MS4A5: variants seen among roughly 807,000 people sequenced by gnomAD.
The protein encoded by MS4A5 is membrane spanning 4-domains A5.
A neutral mutation model predicts 18.2 loss-of-function variants in MS4A5; 15 were observed. That is an observed-to-expected ratio of 0.83 (90% confidence interval 0.55 to 1.27). MS4A5 has a LOEUF of 1.27. Ranked by LOEUF, MS4A5 falls within the 50% of genes most tolerant of loss-of-function variation. The pLI, the probability that MS4A5 is intolerant of heterozygous loss-of-function variation, is 0.00. For missense variants in MS4A5, 232 were observed against 225.7 expected, an observed-to-expected ratio of 1.03 and a Z score of -0.18; for synonymous variants, 89 against 78.7, an observed-to-expected ratio of 1.13 and a Z score of -0.69.
In MS4A5 at chr11:60,436,971, G is replaced by C. The variant is rs1442639067; in HGVS notation, c.492+3054G>C. ...AAGCAACTCCAAGACACATAATTGT[G>C]AGATTCACCAAAGTGGAAATGAAGG... On this transcript the variant is annotated intron_variant, in intron 4 of 4. Transcript: ENST00000300190. Among the ~76,000 whole-genome samples the C allele has an allele frequency of 3.8e-5, 5 of 133,188 alleles. 1 individual carries two copies. The highest frequency in any genetic ancestry group is 8.6e-5 in the Admixed American group (1 of 11,682). 87.4% of individuals were successfully genotyped at this position (133,188 alleles called of 152,430 possible). A position where few individuals can be genotyped will look rare whatever the true frequency, so the allele number is the denominator to read the frequency against.
chr11:60,445,900 G>C (rs906832392), intron 4 of MS4A5, among the ~76,000 whole-genome samples: 7 of 152,294 alleles, frequency 4.6e-5, no homozygotes, highest in Non-Finnish European at 7.4e-5. Context: ...CAATGTTCTT[G>C]TATATCAGGA....
At chr11:60,444,706 A>G (rs2086130427) in intron 4 of MS4A5, among the ~76,000 whole-genome samples, 1 of 152,208 alleles carries the variant, frequency 6.6e-6, no homozygotes, top group African/African-American at 2.4e-5. Flanking sequence ...TAAAATCACA[A>G]TAAGACACTA....
At position 60,429,646 on chromosome 11, in the gene MS4A5, TCTC is replaced by T. The variant is rs1395408584; in HGVS notation, c.-26_-24del. 1 of 1,594,138 alleles carries T rather than the reference TCTC, an allele frequency of 6.3e-7. No individual in the cohort carries two copies. The stretch of plus-strand genomic sequence containing the variant: ...CTAGACTGAAGTACCAACTAAATCA[TCTC>T]CTTTCAAATTATCACCGACACCATC... On this transcript the variant is annotated 5_prime_UTR_variant, in exon 1 of 5. Coordinates refer to ENST00000300190, the MANE Select transcript of MS4A5 (RefSeq NM_023945.3).
At chr11:60,443,410 TA>T (rs1013549686) in intron 4 of MS4A5, among the ~76,000 whole-genome samples, 1 of 151,642 alleles carries the variant, frequency 6.6e-6, no homozygotes, top group East Asian at 1.9e-4. Flanking sequence ...ACAACAGACA[TA>T]AAAAAATTAA....
chr11:60,447,468 T>C (rs200355700), intron 4 of MS4A5, among the ~76,000 whole-genome samples, 181 bp from the exon 5 acceptor site: 1 of 152,268 alleles, frequency 6.6e-6, no homozygotes, highest in African/African-American at 2.4e-5. Flanking sequence ...TGCTATCCTA[T>C]GCTTAAATAG....
intron 4 of MS4A5, among the ~76,000 whole-genome samples, chr11:60,435,224 T>C (rs894662414): frequency 6.6e-6 from 1 of 151,996 alleles, no homozygotes; most frequent in Non-Finnish European, 1.5e-5. Context: ...TCTTAATAAA[T>C]TCCCATCAAA....
chr11:60,447,149 GCTATC>G (rs772078410), intron 4 of MS4A5, among the ~76,000 whole-genome samples: 27 of 85,086 alleles, frequency 3.2e-4, no homozygotes, highest in South Asian at 6.7e-4. Context: ...GCTATGCTAT[GCTATC>G]CTATGCTATC....
intron 3 of MS4A5, 51 bp downstream of exon 3, chr11:60,432,518 T>C: frequency 8.2e-7 from 1 of 1,221,866 alleles, no homozygotes; most frequent in Non-Finnish European, 1.2e-6. Flanking sequence ...CCAGTCATGG[T>C]GGCTCATACC....
Position 60,432,484 on chromosome 11 carries a change from C to G in MS4A5, c.339+17C>G. On this transcript the variant is annotated intron_variant, in intron 3 of 4. Coordinates refer to ENST00000300190, the MANE Select transcript of MS4A5 (RefSeq NM_023945.3). ...GAAACTCTGGTGAGTTATATTCTTA[C>G]TTTATTAAAAATATATTTTGTAGCC... 1 of 1,498,512 alleles carries G rather than the reference C, an allele frequency of 6.7e-7. No individual in the cohort carries two copies. The highest frequency in any genetic ancestry group is 9.2e-7 in the Non-Finnish European group (1 of 1,085,894). The allele number at this position is 1,498,512 out of a possible 1,614,324, so 92.8% of individuals were successfully genotyped here. A position where few individuals can be genotyped will look rare whatever the true frequency, so the allele number is the denominator to read the frequency against.
chr11:60,430,467 C>A (rs75821873), intron 1 of MS4A5, among the ~76,000 whole-genome samples: 88 of 152,278 alleles, frequency 5.8e-4, no homozygotes, highest in South Asian at 6.2e-4. Flanking sequence ...TATGAAGACA[C>A]AGGTTTCCCA....
intron 4 of MS4A5, among the ~76,000 whole-genome samples, chr11:60,444,723 A>C (rs965614275): frequency 6.6e-6 from 1 of 152,204 alleles, no homozygotes; most frequent in African/African-American, 2.4e-5. Context: ...ACTACTCCAC[A>C]CACACCAGAA....
At chr11:60,438,715 C>T (rs1304971106) in intron 4 of MS4A5, among the ~76,000 whole-genome samples, 1 of 151,610 alleles carries the variant, frequency 6.6e-6, no homozygotes, top group African/African-American at 2.4e-5. Flanking sequence ...TGTCCCAAGA[C>T]TAAACCAGGA....
At position 60,429,842 on chromosome 11, in the gene MS4A5, C is replaced by T. The variant is rs1445428220; in HGVS notation, c.153+15C>T. On this transcript the variant is annotated intron_variant, in intron 1 of 4. Coordinates refer to ENST00000300190, the MANE Select transcript of MS4A5 (RefSeq NM_023945.3). ...AAATCTTAGGGGTAAGTAAGACTTG[C>T]CCCTATGTATATTTTACTGAGGCAG... 2 of 1,609,342 alleles carry T rather than the reference C, an allele frequency of 1.2e-6. No homozygotes were observed. The highest frequency in any genetic ancestry group is 1.7e-6 in the Non-Finnish European group (2 of 1,178,292).
intron 1 of MS4A5, 41 bp downstream of exon 1, chr11:60,429,868 G>C: frequency 6.3e-7 from 1 of 1,579,634 alleles, no homozygotes; most frequent in Non-Finnish European, 8.6e-7. Flanking sequence ...ACTGAGGCAG[G>C]GGAAAGGCTA....
chr11:60,432,170 G>T (rs12270075), intron 2 of MS4A5, among the ~76,000 whole-genome samples: 2 of 151,876 alleles, frequency 1.3e-5, no homozygotes, highest in Non-Finnish European at 2.9e-5. Context: ...AGCCCTGTAC[G>T]GTTAAAAAAA....
Position 60,447,664 on chromosome 11 carries a change from T to C in MS4A5, c.508T>C (p.Leu170=), listed in dbSNP as rs2086148773. The change falls in exon 5 of 5, where the codon TTG becomes CTG. Residue 170 remains leucine, a synonymous_variant. Coordinates refer to ENST00000300190, the MANE Select transcript of MS4A5 (RefSeq NM_023945.3). ...TCTATTACAGGGAATTTTGATTACA[T>C]TGATGACTTTCAGCATTATTGAATT... ...TVLFLGILIT[L]MTFSIIELFI... is the part of the protein sequence containing the mutation. 7 of 1,579,066 alleles carry C rather than the reference T, an allele frequency of 4.4e-6. No homozygotes were observed. Among genetic ancestry groups the C allele is most frequent in the Admixed American group, 2.0e-5 (1 of 50,080 alleles).
chr11:60,437,726 T>C (rs932266845), intron 4 of MS4A5, among the ~76,000 whole-genome samples: 1 of 151,660 alleles, frequency 6.6e-6, no homozygotes, highest in African/African-American at 2.4e-5. Context: ...GAGCTAACTA[T>C]CCTGAATATA....
intron 4 of MS4A5, among the ~76,000 whole-genome samples, chr11:60,438,209 T>A (rs546634151): frequency 1.0e-3 from 158 of 152,248 alleles, no homozygotes; most frequent in Middle Eastern, 0.01. Context: ...GAAATAAAGA[T>A]GTTCTTTGAA....
At chr11:60,438,300 A>G (rs1257622009) in intron 4 of MS4A5, among the ~76,000 whole-genome samples, 2 of 152,354 alleles carry the variant, frequency 1.3e-5, no homozygotes, top group East Asian at 3.9e-4. Context: ...TTAAAGCACT[A>G]AATGCCCACA....
Sources: gnomAD v4.1 joint callset for allele counts (sites outside exome capture counted in the v4.1 genomes callset) on GRCh38, gnomAD v4.1.1 for gene constraint, MANE v1.5 for transcripts, NCBI Gene and HGNC (gene_info 2026-07-23, HGNC 2026-07-21) for gene names.